EPHA6: variants seen among roughly 807,000 people sequenced by gnomAD.
EPHA6 encodes the protein ephrin type-A receptor 6.
A neutral mutation model predicts 112.0 loss-of-function variants in EPHA6; 50 were observed. The observed-to-expected ratio is 0.45, with a 90% CI of 0.36 to 0.56. The LOEUF (loss-of-function observed/expected upper bound fraction) is 0.56, where lower values mean the gene tolerates loss of function less well. EPHA6 is among the 20% of genes least tolerant of loss of function. EPHA6 has a pLI of 0.00. For synonymous variants in EPHA6, 529 were observed against 490.7 expected (o/e 1.08, Z -1.03); for missense variants, 1,280 against 1,417.4 (o/e 0.90, Z 1.56).
intron 2 of EPHA6, among the ~76,000 whole-genome samples, chr3:96,983,596 G>C (rs141758951): frequency 6.6e-6 from 1 of 152,120 alleles, no homozygotes; most frequent in Non-Finnish European, 1.5e-5. Flanking sequence ...TTGAATGTTG[G>C]CCTGCCTTGC....
Position 97,630,424 on chromosome 3 carries a change from A to G in EPHA6, c.2575-7449A>G, listed in dbSNP as rs57534663. Among the ~76,000 whole-genome samples the G allele has an allele frequency of 5.9e-5, 9 of 152,164 alleles. No homozygotes were observed. The East Asian group carries it at 1.7e-3, about 29-fold the overall frequency. On this transcript the variant is annotated intron_variant, in intron 13 of 17. Transcript: ENST00000389672. The stretch of plus-strand genomic sequence containing the variant: ...TGATTTGGTGTTTTGAAATCTATAA[A>G]TAATCCCAAACATTTCTTTTTCAAA...
chr3:97,058,474 G>C (rs1284693523), intron 3 of EPHA6, among the ~76,000 whole-genome samples: 4 of 152,082 alleles, frequency 2.6e-5, no homozygotes, highest in Non-Finnish European at 4.4e-5. Context: ...GCTAATTTTT[G>C]TATTTTTGGT....
chr3:96,999,189 A>G (rs997248022), intron 3 of EPHA6, among the ~76,000 whole-genome samples: 3 of 151,836 alleles, frequency 2.0e-5, no homozygotes, highest in African/African-American at 2.4e-5. Context: ...TGGAAATTTC[A>G]TATTTTCCTG....
At chr3:97,611,454 G>A (rs2093719773) in intron 13 of EPHA6, among the ~76,000 whole-genome samples, 2 of 151,768 alleles carry the variant, frequency 1.3e-5, no homozygotes, top group Admixed American at 6.6e-5. Context: ...ATTTATTATA[G>A]ATAGTGATAC....
Position 97,605,708 on chromosome 3 carries a change from T to C in EPHA6, c.2513-5085T>C, listed in dbSNP as rs1323064367. 2.0e-5 allele frequency among the ~76,000 whole-genome samples: 3 copies of C among 151,754 alleles called. No homozygotes were observed. In the Admixed American group the frequency reaches 2.0e-4, roughly 10 times the overall value. On this transcript the variant is annotated intron_variant, in intron 12 of 17. Transcript: ENST00000389672. ...ATACCTCCAGCTTTGTTCTCTTTGC[T>C]TACAATTGCCTTGGCTATCTGGGTT...
intron 3 of EPHA6, among the ~76,000 whole-genome samples, chr3:97,069,811 T>C (rs2046298344): frequency 6.6e-6 from 1 of 152,168 alleles, no homozygotes; most frequent in Non-Finnish European, 1.5e-5. Flanking sequence ...ACTAATAGGC[T>C]ATGCTTTATG....
At chr3:97,689,661 A>T (rs910727292) in intron 14 of EPHA6, among the ~76,000 whole-genome samples, 1 of 152,090 alleles carries the variant, frequency 6.6e-6, no homozygotes, top group African/African-American at 2.4e-5. Context: ...ACATAACAGA[A>T]ATGTCGATCA....
At chr3:97,276,292 T>A (rs1300425582) in intron 5 of EPHA6, among the ~76,000 whole-genome samples, 2 of 152,076 alleles carry the variant, frequency 1.3e-5, no homozygotes, top group Admixed American at 1.3e-4. Flanking sequence ...CAGAGAGCCT[T>A]GGGCCAGAGT....
chr3:97,116,022 G>A (rs2047877153), intron 3 of EPHA6, among the ~76,000 whole-genome samples: 1 of 151,674 alleles, frequency 6.6e-6, no homozygotes. Flanking sequence ...AGATAATTTA[G>A]CACTGAGACG....
chr3:97,094,420 T>C (rs2108240280), intron 3 of EPHA6, among the ~76,000 whole-genome samples: 1 of 152,260 alleles, frequency 6.6e-6, no homozygotes, highest in Non-Finnish European at 1.5e-5. Context: ...ATATCTCCTG[T>C]CATAACAAGT....
At chr3:97,153,628 A>G (rs914761498) in intron 3 of EPHA6, among the ~76,000 whole-genome samples, 1 of 152,152 alleles carries the variant, frequency 6.6e-6, no homozygotes, top group Non-Finnish European at 1.5e-5. Context: ...ATAGTTACCT[A>G]ACATTTTTTT....
At position 97,214,038 on chromosome 3, in the gene EPHA6, T is replaced by TGA. The variant is rs1185912976; in HGVS notation, c.1115-12210_1115-12209dup. Among the ~76,000 whole-genome samples the TGA allele has an allele frequency of 2.8e-3, 218 of 77,828 alleles. 2 individuals carry two copies. The highest frequency in any genetic ancestry group is 5.9e-3 in the African/African-American group (168 of 28,648). 51.1% of individuals were successfully genotyped at this position (77,828 alleles called of 152,430 possible). ...GTGTGTGTGTGTGTGTGTGTGTGTG[T>TGA]GAGAGAGAGAGAGAGAGGGAGAGGG... On this transcript the variant is annotated intron_variant, in intron 3 of 17. Coordinates refer to ENST00000389672, the MANE Select transcript of EPHA6 (RefSeq NM_001080448.3).
intron 1 of EPHA6, among the ~76,000 whole-genome samples, chr3:96,850,381 G>A (rs928658337): frequency 3.9e-5 from 6 of 152,076 alleles, no homozygotes; most frequent in Non-Finnish European, 5.9e-5. Context: ...CTGGAAGTGC[G>A]CCATGAAGAA....
intron 3 of EPHA6, among the ~76,000 whole-genome samples, chr3:97,174,660 A>G (rs1472542210): frequency 6.6e-6 from 1 of 151,910 alleles, no homozygotes; most frequent in African/African-American, 2.4e-5. Flanking sequence ...GGTATTGAGC[A>G]CCAGTGTCTA....
chr3:96,970,890 C>T (rs1365675073), intron 2 of EPHA6, among the ~76,000 whole-genome samples: 3 of 152,052 alleles, frequency 2.0e-5, no homozygotes, highest in African/African-American at 4.8e-5. Flanking sequence ...GCTTCATTCT[C>T]TATAACTTAC....
chr3:97,045,452 A>G (rs2045472724), intron 3 of EPHA6, among the ~76,000 whole-genome samples: 1 of 151,926 alleles, frequency 6.6e-6, no homozygotes, highest in South Asian at 2.1e-4. Context: ...GAAGCGTACA[A>G]ATCTCTAAAC....
At chr3:97,594,582 T>C (rs562144127) in intron 12 of EPHA6, among the ~76,000 whole-genome samples, 94 of 152,236 alleles carry the variant, frequency 6.2e-4, no homozygotes, top group Non-Finnish European at 1.3e-3. Flanking sequence ...TTTTTGGTAA[T>C]GACTGCTACT....
Position 96,879,476 on chromosome 3 carries a change from G to T in EPHA6, c.450+12587G>T, listed in dbSNP as rs529583845. Among the ~76,000 whole-genome samples the T allele has an allele frequency of 3.8e-4, 58 of 152,184 alleles. 1 individual carries two copies. Among genetic ancestry groups the T allele is most frequent in the Admixed American group, 3.7e-3 (57 of 15,276 alleles). ...GGAAGGTACAGGGGAGGGAAAAAGA[G>T]ACATTGGTCAATGTGGACAAAGTTA... On this transcript the variant is annotated intron_variant, in intron 2 of 17. Transcript: ENST00000389672.
rs539215781 is a variant in EPHA6, at chr3:97,574,804, T to A, written c.2387-17808T>A. 3.0e-4 allele frequency among the ~76,000 whole-genome samples: 45 copies of A among 152,226 alleles called. No individual in the cohort carries two copies. The East Asian group carries it at 8.5e-3, about 29-fold the overall frequency. On this transcript the variant is annotated intron_variant, in intron 11 of 17. Coordinates refer to ENST00000389672, the MANE Select transcript of EPHA6 (RefSeq NM_001080448.3). ...TTAATTTCACTAGTAGCCAGTGATA[T>A]GTTAATTAAAACCAAAATTAAACGA...
Sources: gnomAD v4.1 joint callset for allele counts (sites outside exome capture counted in the v4.1 genomes callset) on GRCh38, gnomAD v4.1.1 for gene constraint, MANE v1.5 for transcripts, NCBI Gene and HGNC (gene_info 2026-07-23, HGNC 2026-07-21) for gene names.